Variants in STMN4 observed in about 807,000 individuals in gnomAD.
The protein encoded by STMN4 is stathmin-4.
STMN4 carries 12 observed loss-of-function variants against 29.1 expected under a neutral mutation model. That is an observed-to-expected ratio of 0.41 (90% CI 0.26 to 0.67). The LOEUF is 0.67. STMN4 is among the 30% of genes least tolerant of loss of function. The pLI is 0.30. For missense variants in STMN4, 181 were observed against 262.8 expected, an observed-to-expected ratio of 0.69 and a Z score of 2.15; for synonymous variants, 114 against 105.3, an observed-to-expected ratio of 1.08 and a Z score of -0.51.
chr8:27,239,933 T>A (rs1315034671), intron 6 of STMN4, 38 bp downstream of exon 6: 1 of 1,614,052 alleles, frequency 6.2e-7, no homozygotes. Context: ...GAAAACAGCA[T>A]GTCCCAGGAA....
intron 1 of STMN4, among the ~76,000 whole-genome samples, chr8:27,250,230 C>T (rs1801744434): frequency 6.6e-6 from 1 of 152,230 alleles, no homozygotes; most frequent in African/African-American, 2.4e-5. Context: ...ATCATGTCAG[C>T]TCAGAACAGT....
At chr8:27,254,698 G>A (rs1263555730) in intron 1 of STMN4, among the ~76,000 whole-genome samples, 1 of 146,498 alleles carries the variant, frequency 6.8e-6, no homozygotes, top group African/African-American at 2.6e-5. Context: ...TGGAGTGGGA[G>A]CACTCATATA....
Position 27,241,209 on chromosome 8 carries a change from G to A in STMN4, c.244C>T (p.Leu82=). ...GATTGGCCCGAGGTGCATTTGTTCA[G>A]CTCGATGACTTCCATGTCGGAAATG... ...CVISDMEVIE[L]NKCTSGQSFE... is the part of the protein sequence containing the mutation. The change falls in exon 5 of 7, where the codon CTG becomes TTG. Residue 82 remains leucine, a synonymous_variant. Transcript: ENST00000350889. 2 of 1,614,234 alleles carry A rather than the reference G, an allele frequency of 1.2e-6. No homozygotes were observed. The highest frequency in any genetic ancestry group is 1.3e-5 in the African/African-American group (1 of 75,054).
At chr8:27,246,460 G>C (rs1399093260) in intron 1 of STMN4, among the ~76,000 whole-genome samples, 9 of 152,188 alleles carry the variant, frequency 5.9e-5, no homozygotes, top group Admixed American at 5.9e-4. Context: ...GCTCAGGGAA[G>C]CTAAGTGCCT....
At chr8:27,250,147 G>A (rs1266677413) in intron 1 of STMN4, among the ~76,000 whole-genome samples, 2 of 152,148 alleles carry the variant, frequency 1.3e-5, no homozygotes, top group Non-Finnish European at 2.9e-5. Flanking sequence ...TCAAAATCCA[G>A]TTGAGGTCAT....
At chr8:27,254,915 T>C (rs1049966038) in intron 1 of STMN4, among the ~76,000 whole-genome samples, 2 of 136,846 alleles carry the variant, frequency 1.5e-5, no homozygotes, top group African/African-American at 2.8e-5. Flanking sequence ...GTGTAGGGGA[T>C]GGAGTGGGAG....
intron 1 of STMN4, among the ~76,000 whole-genome samples, chr8:27,245,780 G>A (rs1239638074): frequency 2.0e-5 from 3 of 152,358 alleles, no homozygotes; most frequent in Non-Finnish European, 2.9e-5. Flanking sequence ...GAGAAAGAAG[G>A]CAGATGGAGT....
chr8:27,246,741 A>C (rs922158861), intron 1 of STMN4, among the ~76,000 whole-genome samples: 6 of 152,170 alleles, frequency 3.9e-5, no homozygotes, highest in African/African-American at 1.4e-4. Context: ...GGCCGCCAGA[A>C]CCTGCAAGAG....
chr8:27,242,368 C>T (rs1801500492), intron 3 of STMN4, 29 bp downstream of exon 3: 1 of 1,613,066 alleles, frequency 6.2e-7, no homozygotes, highest in Non-Finnish European at 8.5e-7. Flanking sequence ...CCCCCCGCCC[C>T]TCACTTTCCT....
In STMN4 at chr8:27,236,095, G is replaced by A. The variant is rs1801303966; in HGVS notation, c.*751C>T. On this transcript the variant is annotated 3_prime_UTR_variant, in exon 7 of 7. Transcript: ENST00000350889. ...CCAATAAAGATTAGCCCACAGAGGG[G>A]ATTTTAAAAAACAGAAGAGAAAACC... The A allele has an allele frequency of 6.6e-6, 1 of 152,136 alleles. No homozygotes were observed. The highest frequency in any genetic ancestry group is 2.4e-5 in the African/African-American group (1 of 41,416). The allele number at this position is 152,136 out of a possible 1,614,324, so 9.4% of individuals were successfully genotyped here.
Position 27,242,322 on chromosome 8 carries a change from T to C in STMN4, c.109+75A>G, listed in dbSNP as rs1801498565. On this transcript the variant is annotated intron_variant, in intron 3 of 6. Transcript: ENST00000350889. The stretch of plus-strand genomic sequence containing the variant: ...GGAGGAGAGATTCACGGGACTGGGG[T>C]CGGGGTGCAGGACCTATGAGGACAG... 2.9e-6 allele frequency: 4 copies of C among 1,390,186 alleles called. 1 individual carries two copies. The highest frequency in any genetic ancestry group is 3.9e-4 in the Middle Eastern group (2 of 5,188). 86.1% of individuals were successfully genotyped at this position (1,390,186 alleles called of 1,614,324 possible). A position where few individuals can be genotyped will look rare whatever the true frequency, so the allele number is the denominator to read the frequency against.
chr8:27,243,595 C>T (rs1172009942), intron 2 of STMN4, 116 bp downstream of exon 2: 17 of 1,122,370 alleles, frequency 1.5e-5, no homozygotes, highest in Non-Finnish European at 2.0e-5. Flanking sequence ...CCTGCACCCC[C>T]CCACACACCC....
At chr8:27,252,120 T>A (rs1182020010) in intron 1 of STMN4, among the ~76,000 whole-genome samples, 1 of 151,192 alleles carries the variant, frequency 6.6e-6, no homozygotes, top group Non-Finnish European at 1.5e-5. Flanking sequence ...TTCATCCATG[T>A]CCCTACAAAG....
rs113663579 is a variant in STMN4 at position 27,251,327 on chromosome 8, C to T, written c.-79+7024G>A. The stretch of plus-strand genomic sequence containing the variant: ...ATAATATTATATATATACGTATATA[C>T]GTGTATATATATTATATATATACAT... On this transcript the variant is annotated intron_variant, in intron 1 of 6. Transcript: ENST00000350889. Among the ~76,000 whole-genome samples the T allele has an allele frequency of 1.5e-4, 22 of 144,716 alleles. No homozygotes were observed. The East Asian group carries it at 2.6e-3, about 17-fold the overall frequency. 94.9% of individuals were successfully genotyped at this position (144,716 alleles called of 152,430 possible). A position where few individuals can be genotyped will look rare whatever the true frequency, so the allele number is the denominator to read the frequency against.
In STMN4 at chr8:27,243,733, A is replaced by T; in HGVS notation, c.-10T>A. 1 of 1,614,214 alleles carries T rather than the reference A, an allele frequency of 6.2e-7. No homozygotes were observed. The highest frequency in any genetic ancestry group is 8.5e-7 in the Non-Finnish European group (1 of 1,180,044). On this transcript the variant is annotated 5_prime_UTR_variant, in exon 2 of 7. Transcript: ENST00000350889. ...TACCAGCAAGGGTCATGTTTCTGGG[A>T]TCTGGTGGCTGAATCTAGCTGAAAG...
At chr8:27,247,114 G>T (rs1194055415) in intron 1 of STMN4, among the ~76,000 whole-genome samples, 1 of 152,038 alleles carries the variant, frequency 6.6e-6, no homozygotes, top group Non-Finnish European at 1.5e-5. Flanking sequence ...AATTAGCCCG[G>T]CATGGTGGCG....
chr8:27,241,761 G>T lies in STMN4; in HGVS notation c.110-4C>A. Reference sequence around the variant, plus strand: ...CTACACTGTCTCCCACACCAGCCTAGACAGAAAAAACAACCTCAGGTCATC... The same window carrying T: ...CTACACTGTCTCCCACACCAGCCTATACAGAAAAAACAACCTCAGGTCATC... On this transcript the variant is annotated splice_polypyrimidine_tract_variant and splice_region_variant and intron_variant, in intron 3 of 6. Transcript: ENST00000350889. 3.1e-6 allele frequency: 5 copies of T among 1,614,188 alleles called. No individual in the cohort carries two copies. The highest frequency in any genetic ancestry group is 4.2e-6 in the Non-Finnish European group (5 of 1,180,012).
chr8:27,238,094 G>A lies in STMN4; in HGVS notation c.592-1189C>T, dbSNP rs547345724. Among the ~76,000 whole-genome samples, 12 of 152,302 alleles carry A rather than the reference G, an allele frequency of 7.9e-5. No homozygotes were observed. The Middle Eastern group carries it at 0.01, about 130-fold the overall frequency. ...GAACTTTCTGTGGCCTAGGAGTGAGGAGTGGTGTGCACAGGGCAGGGGTTC... is the reference window on the plus strand; with the variant it reads ...GAACTTTCTGTGGCCTAGGAGTGAGAAGTGGTGTGCACAGGGCAGGGGTTC... On this transcript the variant is annotated intron_variant, in intron 6 of 6. Coordinates refer to ENST00000350889, the MANE Select transcript of STMN4 (RefSeq NM_030795.4).
At position 27,247,277 on chromosome 8, in the gene STMN4, G is replaced by T. The variant is rs546818182; in HGVS notation, c.-78-3476C>A. On this transcript the variant is annotated intron_variant, in intron 1 of 6. Transcript: ENST00000350889. ...CTCAAAAAAAAAAAAAAAAAAAGAT[G>T]ATCTATTTACTTGTGCCTGTGGGTC... is the stretch of plus-strand genomic sequence containing the variant. Among the ~76,000 whole-genome samples the T allele has an allele frequency of 1.1e-4, 16 of 142,464 alleles. No individual in the cohort carries two copies. In the East Asian group the frequency reaches 2.8e-3, roughly 25 times the overall value. The allele number at this position is 142,464 out of a possible 152,430, so 93.5% of individuals were successfully genotyped here. A position where few individuals can be genotyped will look rare whatever the true frequency, so the allele number is the denominator to read the frequency against.
Sources: allele counts gnomAD v4.1 joint callset (sites outside exome capture counted in the v4.1 genomes callset), GRCh38; gene constraint gnomAD v4.1.1; transcripts MANE v1.5; gene names NCBI Gene and HGNC (gene_info 2026-07-23, HGNC 2026-07-21).